INTS11: variants seen among roughly 807,000 people sequenced by gnomAD.
The protein encoded by INTS11 is integrator complex subunit 11, also known as CPSF3-like protein.
In INTS11, 77 loss-of-function variants were observed where a neutral mutation model predicts 78.6. The ratio of observed to expected loss-of-function variants is 0.98; its 90% CI spans 0.81 to 1.18. The LOEUF is 1.18. Ranked by LOEUF, INTS11 falls within the 50% of genes most tolerant of loss-of-function variation. The probability of loss-of-function intolerance (pLI) is 0.00; values close to 1 mark genes in which losing one functional copy is unlikely to be tolerated. For synonymous variants in INTS11, 441 were observed against 326.9 expected, an observed-to-expected ratio of 1.35 and a Z score of -3.77; for missense variants, 875 against 825.9, an observed-to-expected ratio of 1.06 and a Z score of -0.73.
chr1:1,322,121 G>A, intron 1 of INTS11: 1 of 491,658 alleles, frequency 2.0e-6, no homozygotes, highest in Non-Finnish European at 3.4e-6. Context: ...GCTCACAGAG[G>A]CCCTCTGGCA....
In INTS11 at chr1:1,314,293, G is replaced by A; in HGVS notation, c.767+8C>T. 2 of 1,591,380 alleles carry A rather than the reference G, an allele frequency of 1.3e-6. No individual in the cohort carries two copies. The highest frequency in any genetic ancestry group is 3.6e-5 in the Admixed American group (2 of 56,158). On this transcript the variant is annotated splice_region_variant and intron_variant, in intron 8 of 16. Transcript: ENST00000435064. This position sits in a 1 kb window ranked among gnomAD's most constrained non-coding sequence, Gnocchi z 4.2. ...GGCTCCTTAAAGAGCCGTCCTGGCG[G>A]CACCTACCAGAAGGTCTCCAGGAGG... is the stretch of plus-strand genomic sequence containing the variant.
At position 1,314,301 on chromosome 1, in the gene INTS11, CAGA is replaced by C. The variant is rs750993207; in HGVS notation, c.764_766del (p.Phe255del). ...AAAGAGCCGTCCTGGCGGCACCTAC[CAGA>C]AGGTCTCCAGGAGGATGCAGAGCTC... is the stretch of plus-strand genomic sequence containing the variant. On this transcript the variant is annotated inframe_deletion and splice_region_variant, in exon 8 of 17. Transcript: ENST00000435064. The surrounding 1 kb of genome is among the most constrained non-coding windows in gnomAD (Gnocchi z 4.2). The C allele has an allele frequency of 6.9e-6, 11 of 1,597,602 alleles. No homozygotes were observed. Among genetic ancestry groups the C allele is most frequent in the Middle Eastern group, 1.7e-4 (1 of 6,038 alleles).
Position 1,312,626 on chromosome 1 carries a change from A to T in INTS11, c.1369T>A (p.Ser457Thr). The T allele has an allele frequency of 6.3e-7, 1 of 1,583,678 alleles. No homozygotes were observed. The highest frequency in any genetic ancestry group is 8.6e-7 in the Non-Finnish European group (1 of 1,160,354). ...ATCTCCCGCTTCAGCAGCCCCAGCG[A>T]GATGCCTACGGGGATGCTGGGGCTT... ...PTSPSIPVGI[S>T]LGLLKREMAQ... The change falls in exon 13 of 17, where the codon TCG becomes ACG. Residue 457 changes from serine to threonine, a missense_variant. Coordinates refer to ENST00000435064, the MANE Select transcript of INTS11 (RefSeq NM_017871.6).
intron 1 of INTS11, 52 bp from the exon 2 acceptor site, chr1:1,321,145 T>A: frequency 6.9e-7 from 1 of 1,438,914 alleles, no homozygotes; most frequent in African/African-American, 1.4e-5. Flanking sequence ...CCCCCTGTGC[T>A]GCCTCCCCAA....
intron 6 of INTS11, 166 bp from the exon 7 acceptor site, chr1:1,315,128 AGAG>A: frequency 3.3e-6 from 3 of 903,878 alleles, no homozygotes; most frequent in Non-Finnish European, 4.9e-6. Context: ...TTGGGAAGAG[AGAG>A]GAGAGACAGA....
rs549502067 is a variant in INTS11, at chr1:1,322,862, G to A, written c.28+1719C>T. The A allele has an allele frequency of 6.9e-5, 80 of 1,153,884 alleles. No individual in the cohort carries two copies. The African/African-American group carries it at 9.6e-4, about 14-fold the overall frequency. 71.5% of individuals were successfully genotyped at this position (1,153,884 alleles called of 1,614,324 possible). ...GAGGCAGTCCCTGGTGCAGGGAAGC[G>A]GTGAAACAGGACTTCGGCTTTGATG... On this transcript the variant is annotated intron_variant, in intron 1 of 16. Transcript: ENST00000435064.
chr1:1,312,205 G>GGGGC, intron 15 of INTS11, 21 bp downstream of exon 15: 2 of 1,180,158 alleles, frequency 1.7e-6, no homozygotes, highest in Non-Finnish European at 1.2e-6. Flanking sequence ...GAGTGGGGGG[G>GGGGC]GGGCGGGGCC....
intron 1 of INTS11, chr1:1,321,972 G>A (rs1642973425): frequency 1.7e-6 from 2 of 1,169,664 alleles, no homozygotes; most frequent in South Asian, 1.8e-5. Flanking sequence ...CGGGGCCACA[G>A]CCGAGGGGCT....
At chr1:1,318,791 G>T in intron 4 of INTS11, 1 of 551,650 alleles carries the variant, frequency 1.8e-6, no homozygotes, top group South Asian at 2.6e-5. Context: ...CCAGAGATTC[G>T]AGTGAGACAC....
At chr1:1,318,664 T>C (rs1366511615) in intron 4 of INTS11, 8 of 438,356 alleles carry the variant, frequency 1.8e-5, no homozygotes, top group Non-Finnish European at 3.2e-5. Flanking sequence ...AAAAAAAAAT[T>C]AAAGTTTCAC....
In INTS11 at chr1:1,312,117, G is replaced by C; in HGVS notation, c.1638C>G (p.Leu546=). 6.3e-7 allele frequency: 1 copy of C among 1,575,026 alleles called. No homozygotes were observed. ...SVLKDHCVQH[L]PDGSVTVESV... is the part of the protein sequence containing the mutation. ...ACTCCACAGTCACAGAGCCGTCTGG[G>C]AGGTGCTGCACACAGTGGTCCTTCA... Residue 546 remains leucine (L), a synonymous_variant, in exon 16 of 17, where the codon CTC becomes CTG. Transcript: ENST00000435064.
At chr1:1,321,643 A>AGTGGCCAGC (rs1642953731) in intron 1 of INTS11, among the ~76,000 whole-genome samples, 3 of 152,206 alleles carry the variant, frequency 2.0e-5, no homozygotes, top group Non-Finnish European at 2.9e-5. Flanking sequence ...GTGGTCCAGC[A>AGTGGCCAGC]GTGGCCAGCG....
intron 4 of INTS11, chr1:1,318,859 C>A (rs1408373059): frequency 3.1e-6 from 2 of 640,290 alleles, no homozygotes; most frequent in Non-Finnish European, 2.9e-6. Flanking sequence ...GCTGATTTAA[C>A]CTTCACTTCT....
chr1:1,312,038 G>A lies in INTS11; in HGVS notation c.1717C>T (p.Leu573=). ...PSEDPGTKVL[L]VSWTYQDEEL... is the part of the protein sequence containing the mutation. The stretch of plus-strand genomic sequence containing the variant: ...CTTACCTGGTAGGTCCAGGAGACCA[G>A]CAGCACCTTGGTGCCTGGGTCCTCA... Residue 573 remains leucine, a synonymous_variant, in exon 16 of 17, where the codon CTG becomes TTG. Coordinates refer to ENST00000435064, the MANE Select transcript of INTS11 (RefSeq NM_017871.6). 6.4e-7 allele frequency: 1 copy of A among 1,574,156 alleles called. No homozygotes were observed.
chr1:1,323,113 C>G (rs771315709), intron 1 of INTS11: 3 of 1,526,668 alleles, frequency 2.0e-6, no homozygotes, highest in African/African-American at 1.4e-5. Context: ...GGGGTGTGCA[C>G]AGGCCAGGGG....
Position 1,320,547 on chromosome 1 carries a change from GTTT to G in INTS11, c.127-21_127-19del. 2 of 1,613,402 alleles carry G rather than the reference GTTT, an allele frequency of 1.2e-6. No homozygotes were observed. Among genetic ancestry groups the G allele is most frequent in the East Asian group, 4.5e-5 (2 of 44,876 alleles). ...AAGCGTCGCTAGGAAGGATGTGGGG[GTTT>G]CAGGTTGCACAGTGGTCTCCAGGCA... is the stretch of plus-strand genomic sequence containing the variant. On this transcript the variant is annotated intron_variant, in intron 2 of 16. Coordinates refer to ENST00000435064, the MANE Select transcript of INTS11 (RefSeq NM_017871.6).
intron 16 of INTS11, 27 bp downstream of exon 16, chr1:1,311,991 C>T (rs200942028): frequency 8.9e-5 from 142 of 1,591,324 alleles, no homozygotes; most frequent in African/African-American, 8.7e-4. Flanking sequence ...CTGTGTTGAC[C>T]GCGGTGGGGT....
chr1:1,321,172 G>C, intron 1 of INTS11, 79 bp from the exon 2 acceptor site: 2 of 1,134,854 alleles, frequency 1.8e-6, no homozygotes. Flanking sequence ...CAGGACCCCA[G>C]TGCACTGAGG....
At chr1:1,319,750 G>A (rs10449893) in intron 3 of INTS11, 17,765 of 563,844 alleles carry the variant, frequency 0.032, 2,480 homozygotes, top group African/African-American at 0.3. Flanking sequence ...CGTCGGTGAC[G>A]GCGACATGCT....
Sources: allele counts gnomAD v4.1 joint callset (sites outside exome capture counted in the v4.1 genomes callset), GRCh38; gene constraint gnomAD v4.1.1; non-coding constraint Gnocchi (gnomAD v3.1); transcripts MANE v1.5; gene names NCBI Gene and HGNC (gene_info 2026-07-23, HGNC 2026-07-21).